The following ZNF730 variants were observed in gnomAD, a reference collection of about 807,000 sequenced individuals.
The protein encoded by ZNF730 is putative zinc finger protein 730.
A neutral mutation model predicts 12.6 loss-of-function variants in ZNF730; 12 were observed. That is an observed-to-expected ratio of 0.95 (90% confidence interval 0.61 to 1.54). The LOEUF is 1.54. Ranked by LOEUF, ZNF730 falls within the 40% of genes most tolerant of loss-of-function variation. The probability of loss-of-function intolerance (pLI) is 0.00; values close to 1 mark genes in which losing one functional copy is unlikely to be tolerated. For missense variants in ZNF730, 643 were observed against 583.5 expected (o/e 1.10, Z -1.05); for synonymous variants, 194 against 195.8 (o/e 0.99, Z 0.08).
intron 1 of ZNF730, among the ~76,000 whole-genome samples, chr19:23,118,278 T>C (rs1175836450): frequency 1.3e-5 from 2 of 152,110 alleles, no homozygotes; most frequent in Non-Finnish European, 2.9e-5. Flanking sequence ...GACACTGTAT[T>C]GTAAAAAAAT....
At chr19:23,127,042 A>G (rs1473844145) in intron 1 of ZNF730, 2 of 518,696 alleles carry the variant, frequency 3.9e-6, no homozygotes, top group Non-Finnish European at 7.7e-6. Context: ...CCTAAAGCAT[A>G]TAATGAAGAA....
chr19:23,105,509 G>A (rs1297922613), intron 1 of ZNF730, among the ~76,000 whole-genome samples: 1 of 152,128 alleles, frequency 6.6e-6, no homozygotes, highest in Non-Finnish European at 1.5e-5. Flanking sequence ...AAAAGCATAT[G>A]TCTCAATGAG....
At chr19:23,134,386 G>T (rs1249839952) in intron 2 of ZNF730, among the ~76,000 whole-genome samples, 180 bp downstream of exon 2, 1 of 144,798 alleles carries the variant, frequency 6.9e-6, no homozygotes, top group Admixed American at 6.8e-5. Flanking sequence ...GGAGGGAGGT[G>T]GGGGGGTCAG....
At chr19:23,124,688 C>T (rs1970640873) in intron 1 of ZNF730, among the ~76,000 whole-genome samples, 1 of 152,132 alleles carries the variant, frequency 6.6e-6, no homozygotes, top group African/African-American at 2.4e-5. Context: ...TTTGTTCCTC[C>T]CTCATACAAG....
intron 1 of ZNF730, among the ~76,000 whole-genome samples, chr19:23,111,349 G>A (rs1970459076): frequency 6.6e-6 from 1 of 152,158 alleles, no homozygotes; most frequent in Non-Finnish European, 1.5e-5. Context: ...TCATGCAAGA[G>A]GGTTGATGTT....
chr19:23,114,435 T>C (rs1476728797), upstream of ZNF730, among the ~76,000 whole-genome samples: 1 of 149,770 alleles, frequency 6.7e-6, no homozygotes, highest in Non-Finnish European at 1.5e-5. Context: ...GCCTCCCCAG[T>C]AGTTGGGAAT....
At chr19:23,131,169 A>T (rs890991753) in intron 1 of ZNF730, among the ~76,000 whole-genome samples, 2 of 152,184 alleles carry the variant, frequency 1.3e-5, no homozygotes, top group Admixed American at 1.3e-4. Flanking sequence ...AACAATAAAA[A>T]TTTCTGTAAA....
At chr19:23,090,821 A>G (rs1377284896) in intron 1 of ZNF730, among the ~76,000 whole-genome samples, 1 of 151,844 alleles carries the variant, frequency 6.6e-6, no homozygotes, top group East Asian at 1.9e-4. Flanking sequence ...ATATGGTGAA[A>G]CCCCATCTCT....
intron 1 of ZNF730, among the ~76,000 whole-genome samples, chr19:23,121,640 G>T (rs1286839139): frequency 1.3e-5 from 2 of 152,126 alleles, no homozygotes; most frequent in East Asian, 3.9e-4. Flanking sequence ...ATGCCCAGCA[G>T]AACTTGTTTT....
intron 1 of ZNF730, among the ~76,000 whole-genome samples, chr19:23,100,775 C>G (rs934069632): frequency 6.6e-6 from 1 of 151,404 alleles, no homozygotes; most frequent in South Asian, 2.1e-4. Context: ...CCTGCCTCAT[C>G]CCCCTGAGTA....
In ZNF730 at chr19:23,119,992, CTTTTTTT is replaced by C. The variant is rs539722897; in HGVS notation, c.3+2828_3+2834del. ...GTCTGGTCCTGGACTCACTTTCTTT[CTTTTTTT>C]TTTTTTTTTTTCTCAGGCAGAGCCT... On this transcript the variant is annotated intron_variant, in intron 1 of 3. Coordinates refer to ENST00000597761, the MANE Select transcript of ZNF730 (RefSeq NM_001277403.2). 2.3e-5 allele frequency among the ~76,000 whole-genome samples: 3 copies of C among 132,566 alleles called. No homozygotes were observed. In the South Asian group the frequency reaches 7.4e-4, roughly 33 times the overall value. The allele number at this position is 132,566 out of a possible 152,430, so 87.0% of individuals were successfully genotyped here.
At chr19:23,126,684 GCAA>G (rs1390471043) in intron 1 of ZNF730, 1 of 478,196 alleles carries the variant, frequency 2.1e-6, no homozygotes, top group Non-Finnish European at 4.1e-6. Flanking sequence ...TCTGAATGCA[GCAA>G]TGCTTCTTGT....
In ZNF730 at chr19:23,145,741, T is replaced by A. The variant is rs757951139; in HGVS notation, c.697T>A (p.Cys233Ser). ...GAAAAAACCTTACAAATGTAAAGAATGTGGCAAAGCCTTTAACTGGTTTTC... is the reference window on the plus strand; with the variant it reads ...GAAAAAACCTTACAAATGTAAAGAAAGTGGCAAAGCCTTTAACTGGTTTTC... ...TEKKPYKCKE[C>S]GKAFNWFSHF... Residue 233 changes from cysteine to serine, a missense_variant, in exon 4 of 4, where the codon TGT becomes AGT. Physicochemically the swap from Cys to Ser is moderately radical, Grantham distance 112. Coordinates refer to ENST00000597761, the MANE Select transcript of ZNF730 (RefSeq NM_001277403.2). The A allele has an allele frequency of 6.4e-7, 1 of 1,562,614 alleles. No homozygotes were observed. The highest frequency in any genetic ancestry group is 1.4e-5 in the African/African-American group (1 of 73,436).
At chr19:23,100,760 A>G (rs918589719) in intron 1 of ZNF730, among the ~76,000 whole-genome samples, 3 of 145,864 alleles carry the variant, frequency 2.1e-5, no homozygotes, top group African/African-American at 7.7e-5. Context: ...GGTTCAAGCG[A>G]TTCTCCTGCC....
chr19:23,085,842 T>TTTTTTTTTTTTC (rs1970053823), intron 1 of ZNF730, among the ~76,000 whole-genome samples: 1 of 84,036 alleles, frequency 1.2e-5, no homozygotes, highest in Non-Finnish European at 2.3e-5. Context: ...TTTTCTTTTT[T>TTTTTTTTTTTTC]TTTTTTTTTT....
chr19:23,080,257 G>T (rs1470839341), intron 1 of ZNF730, among the ~76,000 whole-genome samples: 2 of 152,038 alleles, frequency 1.3e-5, no homozygotes, highest in African/African-American at 4.8e-5. Flanking sequence ...TTGCTTCCAG[G>T]TATTATCTTT....
At chr19:23,117,303 A>C (rs535558030) in intron 1 of ZNF730, 127 bp downstream of exon 1, 19 of 1,558,982 alleles carry the variant, frequency 1.2e-5, no homozygotes, top group Non-Finnish European at 1.7e-5. Context: ...GTTCTTGCCC[A>C]GCTCGGCCTC....
At chr19:23,087,684 T>C (rs544088111) in intron 1 of ZNF730, among the ~76,000 whole-genome samples, 1 of 151,740 alleles carries the variant, frequency 6.6e-6, no homozygotes, top group Non-Finnish European at 1.5e-5. Context: ...GGCATGATCT[T>C]GGCTCACTGC....
intron 1 of ZNF730, among the ~76,000 whole-genome samples, chr19:23,103,443 T>C (rs1970358247): frequency 6.6e-6 from 1 of 152,222 alleles, no homozygotes; most frequent in Non-Finnish European, 1.5e-5. Flanking sequence ...TTGTTGCTTC[T>C]TTAAAATTTT....
Sources: gnomAD v4.1 joint callset for allele counts (sites outside exome capture counted in the v4.1 genomes callset) on GRCh38, gnomAD v4.1.1 for gene constraint, MANE v1.5 for transcripts, NCBI Gene and HGNC (gene_info 2026-07-23, HGNC 2026-07-21) for gene names.